Variants in SUPT3H observed in about 807,000 individuals in gnomAD.
SUPT3H encodes the protein SPT3 homolog, SAGA and STAGA complex component, also known as transcription initiation protein SPT3 homolog.
A neutral mutation model predicts 44.3 loss-of-function variants in SUPT3H; 44 were observed. The ratio of observed to expected loss-of-function variants is 0.99; its 90% confidence interval spans 0.78 to 1.28. SUPT3H has a LOEUF of 1.28. Among genes scored for constraint, SUPT3H ranks in the 50% most tolerant of loss-of-function variants. The pLI, the probability that SUPT3H is intolerant of heterozygous loss-of-function variation, is 0.00. For synonymous variants in SUPT3H, 124 were observed against 125.6 expected (o/e 0.99, Z 0.09); for missense variants, 380 against 387.1 (o/e 0.98, Z 0.15).
intron 2 of SUPT3H, among the ~76,000 whole-genome samples, chr6:45,230,687 T>TATATATATATATATATATATA (rs1562747092): frequency 6.1e-4 from 61 of 99,652 alleles, no homozygotes; most frequent in African/African-American, 1.1e-3. Flanking sequence ...TATATATATA[T>TATATATATATATATATATATA]TTTTGAGATG....
intron 9 of SUPT3H, among the ~76,000 whole-genome samples, chr6:44,945,679 T>A (rs1397474008): frequency 6.6e-6 from 1 of 151,932 alleles, no homozygotes; most frequent in African/African-American, 2.4e-5. Context: ...ATGAGAAACA[T>A]GCAAAAGAAA....
intron 2 of SUPT3H, among the ~76,000 whole-genome samples, chr6:45,136,871 T>C (rs1804371886): frequency 6.6e-6 from 1 of 151,960 alleles, no homozygotes; most frequent in African/African-American, 2.4e-5. Flanking sequence ...AGGACAAAAA[T>C]ATTTACAGAA....
At chr6:44,943,390 T>C (rs934843318) in intron 9 of SUPT3H, among the ~76,000 whole-genome samples, 2 of 151,994 alleles carry the variant, frequency 1.3e-5, no homozygotes, top group Non-Finnish European at 2.9e-5. Context: ...TGGAATAATA[T>C]CAAAGTAACT....
At chr6:45,109,361 G>T (rs951512012) in intron 2 of SUPT3H, among the ~76,000 whole-genome samples, 2 of 152,004 alleles carry the variant, frequency 1.3e-5, no homozygotes, top group Non-Finnish European at 2.9e-5. Flanking sequence ...AAAAAAAAGT[G>T]CAAAGTTATC....
chr6:45,261,724 A>G (rs1774399100), intron 2 of SUPT3H, among the ~76,000 whole-genome samples: 1 of 152,122 alleles, frequency 6.6e-6, no homozygotes, highest in Non-Finnish European at 1.5e-5. Context: ...TGAAAGTCCT[A>G]GCCAGAGCAA....
At chr6:45,132,733 T>C (rs1017689443) in intron 2 of SUPT3H, among the ~76,000 whole-genome samples, 3 of 152,172 alleles carry the variant, frequency 2.0e-5, no homozygotes, top group Non-Finnish European at 4.4e-5. Flanking sequence ...ATTCTATTCT[T>C]AAAAAAATTT....
intron 3 of SUPT3H, among the ~76,000 whole-genome samples, chr6:45,024,209 A>G (rs1268356847): frequency 6.6e-6 from 1 of 152,226 alleles, no homozygotes; most frequent in African/African-American, 2.4e-5. Context: ...TAAGTATGTT[A>G]TAATACTTTA....
chr6:44,831,928 G>C (rs1768846568), intron 10 of SUPT3H, among the ~76,000 whole-genome samples: 2 of 152,172 alleles, frequency 1.3e-5, no homozygotes, highest in Non-Finnish European at 2.9e-5. Context: ...TAATAACACA[G>C]ATCCTATGAG....
chr6:45,052,118 T>C (rs1221590196), intron 3 of SUPT3H, among the ~76,000 whole-genome samples: 1 of 152,188 alleles, frequency 6.6e-6, no homozygotes, highest in Admixed American at 6.5e-5. Context: ...GGCAGTATTG[T>C]CTGATAGAAT....
rs138679767 is a variant in SUPT3H at position 45,033,995 on chromosome 6, T to C, written c.187-13363A>G. ...CCCCAATGGAAGTATTAATATTGAT[T>C]TGAATATATGTATATTAGTCAGGGG... On this transcript the variant is annotated intron_variant, in intron 3 of 10. Transcript: ENST00000371459. Among the ~76,000 whole-genome samples the C allele has an allele frequency of 6.4e-4, 98 of 152,272 alleles. No individual in the cohort carries two copies. In the East Asian group the frequency reaches 0.018, roughly 28 times the overall value.
chr6:45,140,519 G>A (rs144807108), intron 2 of SUPT3H, among the ~76,000 whole-genome samples: 4,859 of 152,170 alleles, frequency 0.032, 124 homozygotes, highest in Admixed American at 0.071. Context: ...TAATTTCACC[G>A]TCTGCAATAC....
rs527558381 is a variant in SUPT3H at position 44,905,043 on chromosome 6, G to A, written c.912+27610C>T. On this transcript the variant is annotated intron_variant, in intron 10 of 10. Coordinates refer to ENST00000371459, the MANE Select transcript of SUPT3H (RefSeq NM_003599.4). Reference sequence around the variant, plus strand: ...TTCAAGATGGATTAAAGACTTAAACGTTAGACCTAAAACCATAAAAACCCT... The same window carrying A: ...TTCAAGATGGATTAAAGACTTAAACATTAGACCTAAAACCATAAAAACCCT... Among the ~76,000 whole-genome samples, 98 of 152,098 alleles carry A rather than the reference G, an allele frequency of 6.4e-4. No individual in the cohort carries two copies. In the East Asian group the frequency reaches 0.018, roughly 28 times the overall value.
intron 2 of SUPT3H, among the ~76,000 whole-genome samples, chr6:45,283,343 C>G (rs972636738): frequency 6.6e-6 from 1 of 152,032 alleles, no homozygotes; most frequent in Non-Finnish European, 1.5e-5. Flanking sequence ...GGAAACCCAC[C>G]TCACGTGCAG....
intron 2 of SUPT3H, among the ~76,000 whole-genome samples, chr6:45,187,440 A>G (rs557583695): frequency 6.6e-6 from 1 of 151,800 alleles, no homozygotes; most frequent in South Asian, 2.1e-4. Context: ...CAACCCACAC[A>G]CAGATTTACC....
chr6:45,157,318 A>G (rs1807992206), intron 2 of SUPT3H, among the ~76,000 whole-genome samples: 1 of 152,064 alleles, frequency 6.6e-6, no homozygotes, highest in Admixed American at 6.6e-5. Flanking sequence ...AAATCAATAT[A>G]TTATTTAACA....
chr6:45,173,651 TA>T (rs1208062422), intron 2 of SUPT3H, among the ~76,000 whole-genome samples: 3 of 152,236 alleles, frequency 2.0e-5, no homozygotes, highest in Non-Finnish European at 4.4e-5. Flanking sequence ...CCAATAACTG[TA>T]AACCATACTC....
chr6:45,160,113 A>C (rs1808693054), intron 2 of SUPT3H, among the ~76,000 whole-genome samples: 1 of 152,208 alleles, frequency 6.6e-6, no homozygotes. Flanking sequence ...GGTTAAAGCC[A>C]AGGTCATTAA....
intron 10 of SUPT3H, among the ~76,000 whole-genome samples, chr6:44,847,958 CTTTTTTTTTTTTTTTT>C (rs969869912): frequency 1.7e-5 from 1 of 58,350 alleles, no homozygotes; most frequent in African/African-American, 6.9e-5. Context: ...ATCTCTGTGT[CTTTTTTTTTTTTTTTT>C]TTTTTTTTTT....
At chr6:44,922,802 TAAAGA>T (rs796346309) in intron 10 of SUPT3H, among the ~76,000 whole-genome samples, 65 of 152,174 alleles carry the variant, frequency 4.3e-4, no homozygotes, top group African/African-American at 1.4e-3. Context: ...TCATAGACTT[TAAAGA>T]AGTTTCTTGC....
Sources: allele counts gnomAD v4.1 joint callset (sites outside exome capture counted in the v4.1 genomes callset), GRCh38; gene constraint gnomAD v4.1.1; transcripts MANE v1.5; gene names NCBI Gene and HGNC (gene_info 2026-07-23, HGNC 2026-07-21).